The following PLEKHA2 variants were observed in gnomAD, a reference collection of about 807,000 sequenced individuals.
PLEKHA2 encodes pleckstrin homology domain containing A2, also known as pleckstrin homology domain-containing family A member 2.
PLEKHA2 carries 28 observed loss-of-function variants against 53.2 expected under a neutral mutation model. The observed-to-expected ratio is 0.53, with a 90% CI of 0.39 to 0.72. The LOEUF (loss-of-function observed/expected upper bound fraction) is 0.72. PLEKHA2 is among the 30% of genes least tolerant of loss of function. The pLI, the probability that PLEKHA2 is intolerant of heterozygous loss-of-function variation, is 0.00. For missense variants in PLEKHA2, 426 were observed against 537.9 expected (o/e 0.79, Z 2.06); for synonymous variants, 193 against 196.4 (o/e 0.98, Z 0.14).
rs72638512 is a variant in PLEKHA2 at position 38,940,630 on chromosome 8, C to T, written c.199-3159C>T. On this transcript the variant is annotated intron_variant, in intron 3 of 11. Transcript: ENST00000617275. ...GTGTAAGCAGGACAGAAGTCTATGC[C>T]GTGGTCCAGATTGAAGGGGCGGGGG... Among the ~76,000 whole-genome samples the T allele has an allele frequency of 2.0e-3, 188 of 95,180 alleles. 1 individual carries two copies. Among genetic ancestry groups the T allele is most frequent in the Non-Finnish European group, 1.6e-3 (84 of 51,232 alleles). The allele number at this position is 95,180 out of a possible 152,430, so 62.4% of individuals were successfully genotyped here.
intron 2 of PLEKHA2, among the ~76,000 whole-genome samples, chr8:38,919,713 A>G (rs1834144625): frequency 6.6e-6 from 1 of 152,250 alleles, no homozygotes. Flanking sequence ...TGCGGAAAAC[A>G]TACTCAGAAA....
chr8:38,964,374 C>T (rs776125509), intron 10 of PLEKHA2, among the ~76,000 whole-genome samples: 11 of 152,126 alleles, frequency 7.2e-5, no homozygotes, highest in Admixed American at 3.3e-4. Context: ...CACCTCCTGT[C>T]GGATCGGCAG....
intron 1 of PLEKHA2, among the ~76,000 whole-genome samples, chr8:38,912,747 T>C (rs1226713050): frequency 6.6e-6 from 1 of 152,118 alleles, no homozygotes; most frequent in African/African-American, 2.4e-5. Flanking sequence ...CTGAGGTTCA[T>C]GTTGTGTGCA....
In PLEKHA2 at chr8:38,972,613, G is replaced by C. The variant is rs1835272719; in HGVS notation, c.*2830G>C. 1 of 152,172 alleles carries C rather than the reference G, an allele frequency of 6.6e-6. No homozygotes were observed. The highest frequency in any genetic ancestry group is 2.1e-4 in the South Asian group (1 of 4,834). The allele number at this position is 152,172 out of a possible 1,614,324, so 9.4% of individuals were successfully genotyped here. ...GTTGATATTTCTTAACTTCTGGCCA[G>C]TTTTGGACCATAATCTTTTAATGTG... On this transcript the variant is annotated 3_prime_UTR_variant, in exon 12 of 12. Coordinates refer to ENST00000617275, the MANE Select transcript of PLEKHA2 (RefSeq NM_021623.2).
At chr8:38,914,199 G>A (rs533907600) in intron 1 of PLEKHA2, among the ~76,000 whole-genome samples, 3 of 152,230 alleles carry the variant, frequency 2.0e-5, no homozygotes, top group East Asian at 1.9e-4. Context: ...GGGATTCCCC[G>A]ACGCATCTCC....
At chr8:38,940,653 G>GGC (rs1554558335) in intron 3 of PLEKHA2, among the ~76,000 whole-genome samples, 25 of 106,282 alleles carry the variant, frequency 2.4e-4, no homozygotes, top group African/African-American at 8.7e-4. Flanking sequence ...GAAGGGGCGG[G>GGC]GGGGGGGGGT....
At chr8:38,917,028 G>A (rs996389505) in intron 1 of PLEKHA2, among the ~76,000 whole-genome samples, 1 of 152,178 alleles carries the variant, frequency 6.6e-6, no homozygotes, top group African/African-American at 2.4e-5. Context: ...GATCAATGAT[G>A]TCGAGCACCT....
At chr8:38,939,654 T>A (rs1326636971) in intron 3 of PLEKHA2, among the ~76,000 whole-genome samples, 1 of 152,218 alleles carries the variant, frequency 6.6e-6, no homozygotes, top group Admixed American at 6.5e-5. Flanking sequence ...CGAGCATTTG[T>A]TATCCAAACA....
rs1835216769 is a variant in PLEKHA2, at chr8:38,969,965, G to A, written c.*182G>A. 1.1e-5 allele frequency: 8 copies of A among 760,160 alleles called. No individual in the cohort carries two copies. Among genetic ancestry groups the A allele is most frequent in the Non-Finnish European group, 1.7e-5 (8 of 482,692 alleles). 47.1% of individuals were successfully genotyped at this position (760,160 alleles called of 1,614,324 possible). ...GCTGTGTGTGTGTGTGTGTGTGTGT[G>A]TGTGTGTGTGTGTAATATCAACGCA... is the stretch of plus-strand genomic sequence containing the variant. On this transcript the variant is annotated 3_prime_UTR_variant, in exon 12 of 12. Transcript: ENST00000617275.
chr8:38,954,296 T>G (rs1027743140), intron 9 of PLEKHA2, among the ~76,000 whole-genome samples: 2 of 152,198 alleles, frequency 1.3e-5, no homozygotes, highest in African/African-American at 4.8e-5. Context: ...TACAGAAGAC[T>G]GGGGAGGTTC....
At chr8:38,943,752 A>G (rs919799344) in intron 3 of PLEKHA2, 37 bp from the exon 4 acceptor site, 1 of 1,469,052 alleles carries the variant, frequency 6.8e-7, no homozygotes, top group Middle Eastern at 1.7e-4. Context: ...ATTGTAAGAC[A>G]CATATTCATG....
At chr8:38,958,092 A>C (rs1834974070) in intron 10 of PLEKHA2, among the ~76,000 whole-genome samples, 1 of 152,192 alleles carries the variant, frequency 6.6e-6, no homozygotes, top group African/African-American at 2.4e-5. Flanking sequence ...TGGGAGGCCG[A>C]GGTGGGCGGA....
rs557362465 is a variant in PLEKHA2 at position 38,920,270 on chromosome 8, C to A, written c.141+2200C>A. ...GGTTCACGCCATTCTCCTGCCTCAGCCTCCCGAGTAGTTGGGACTACAGGC... is the reference window on the plus strand; with the variant it reads ...GGTTCACGCCATTCTCCTGCCTCAGACTCCCGAGTAGTTGGGACTACAGGC... On this transcript the variant is annotated intron_variant, in intron 2 of 11. Transcript: ENST00000617275. Among the ~76,000 whole-genome samples, 184 of 152,178 alleles carry A rather than the reference C, an allele frequency of 1.2e-3. 1 individual carries two copies. Among genetic ancestry groups the A allele is most frequent in the African/African-American group, 4.1e-3 (169 of 41,520 alleles).
rs532030654 is a variant in PLEKHA2, at chr8:38,922,243, G to A, written c.141+4173G>A. Among the ~76,000 whole-genome samples the A allele has an allele frequency of 5.9e-5, 9 of 152,358 alleles. No homozygotes were observed. The highest frequency in any genetic ancestry group is 2.2e-4 in the African/African-American group (9 of 41,588). On this transcript the variant is annotated intron_variant, in intron 2 of 11. Coordinates refer to ENST00000617275, the MANE Select transcript of PLEKHA2 (RefSeq NM_021623.2). The surrounding 1 kb of genome is among the most constrained non-coding windows in gnomAD (Gnocchi z 4.0). ...GTTTCTGGTTAAGAAAGAGAAACCT[G>A]AGGACTCTCGGGGCTGGGAGGTCCT...
rs372802576 is a variant in PLEKHA2, at chr8:38,945,932, A to C, written c.248-192A>C. On this transcript the variant is annotated intron_variant, in intron 4 of 11. Transcript: ENST00000617275. ...TGGGATGTTTTTAAAGGTGGGAAAG[A>C]GAGTGAGCAGGTGTGGCCTGGGGCT... Among the ~76,000 whole-genome samples, 12 of 152,302 alleles carry C rather than the reference A, an allele frequency of 7.9e-5. 1 individual carries two copies. Among genetic ancestry groups the C allele is most frequent in the African/African-American group, 2.9e-4 (12 of 41,558 alleles).
intron 1 of PLEKHA2, among the ~76,000 whole-genome samples, chr8:38,912,675 G>A (rs1050596557): frequency 2.0e-5 from 3 of 152,188 alleles, no homozygotes; most frequent in African/African-American, 7.2e-5. Context: ...CTTAGCAACT[G>A]TTGAGACAAA....
intron 1 of PLEKHA2, among the ~76,000 whole-genome samples, chr8:38,913,443 C>T (rs910443911): frequency 1.3e-5 from 2 of 151,666 alleles, no homozygotes; most frequent in Non-Finnish European, 2.9e-5. Context: ...AGCCAATGTT[C>T]AGCTGGACAC....
chr8:38,953,219 G>C, intron 8 of PLEKHA2, 78 bp from the exon 9 acceptor site: 1 of 1,107,386 alleles, frequency 9.0e-7, no homozygotes, highest in Non-Finnish European at 1.4e-6. Flanking sequence ...CTCTGAGAAA[G>C]GGGTATTGGT....
intron 3 of PLEKHA2, among the ~76,000 whole-genome samples, chr8:38,940,323 T>TG (rs1834581327): frequency 2.0e-5 from 3 of 151,852 alleles, no homozygotes; most frequent in Admixed American, 6.6e-5. Context: ...CGCTTGAACC[T>TG]GGGGGGCGGA....
Sources: allele counts gnomAD v4.1 joint callset (sites outside exome capture counted in the v4.1 genomes callset), GRCh38; gene constraint gnomAD v4.1.1; non-coding constraint Gnocchi (gnomAD v3.1); transcripts MANE v1.5; gene names NCBI Gene and HGNC (gene_info 2026-07-23, HGNC 2026-07-21).